Variants in IL1RAPL1 observed in about 807,000 individuals in gnomAD.
IL1RAPL1 encodes the protein interleukin-1 receptor accessory protein-like 1.
IL1RAPL1 carries 3 observed loss-of-function variants against 48.4 expected under a neutral mutation model. The observed-to-expected ratio is 0.06, with a 90% CI of 0.03 to 0.16. The LOEUF is 0.16. IL1RAPL1 is among the 10% of genes least tolerant of loss of function. IL1RAPL1 has a pLI of 1.00. For synonymous variants in IL1RAPL1, 185 were observed against 187.7 expected, an observed-to-expected ratio of 0.99 and a Z score of 0.12; for missense variants, 349 against 530.6, an observed-to-expected ratio of 0.66 and a Z score of 3.36.
At chrX:28,906,918 A>G (rs1923232421) in intron 2 of IL1RAPL1, among the ~76,000 whole-genome samples, 2 of 112,343 alleles carry the variant, frequency 1.8e-5, no homozygotes, top group Non-Finnish European at 3.8e-5. Flanking sequence ...TTGGAAAGAT[A>G]ACCTAAAATG....
chrX:29,069,018 C>T (rs1395332601), intron 2 of IL1RAPL1, among the ~76,000 whole-genome samples: 1 of 111,803 alleles, frequency 8.9e-6, no homozygotes, highest in African/African-American at 3.3e-5. Flanking sequence ...CTCCCTAAGC[C>T]CCACTCTCTC....
At chrX:29,915,150 T>C (rs902875782) in intron 6 of IL1RAPL1, among the ~76,000 whole-genome samples, 25 of 111,107 alleles carry the variant, frequency 2.3e-4, no homozygotes, top group Non-Finnish European at 7.6e-5. Flanking sequence ...AAAAATAAAT[T>C]AGTCGGGCGT....
chrX:29,790,776 C>T (rs1487453720), intron 6 of IL1RAPL1, among the ~76,000 whole-genome samples: 2 of 111,752 alleles, frequency 1.8e-5, no homozygotes, highest in Admixed American at 9.5e-5. Context: ...CCCCACTGGT[C>T]TCTCATTCAT....
intron 2 of IL1RAPL1, among the ~76,000 whole-genome samples, chrX:29,110,477 C>T (rs1928540053): frequency 9.0e-6 from 1 of 111,643 alleles, no homozygotes; most frequent in African/African-American, 3.3e-5. Flanking sequence ...AGCAGGTCCT[C>T]AGAGAGCATT....
intron 1 of IL1RAPL1, among the ~76,000 whole-genome samples, chrX:28,772,924 A>G (rs1936324991): frequency 8.9e-6 from 1 of 111,801 alleles, no homozygotes; most frequent in Non-Finnish European, 1.9e-5. Flanking sequence ...AAATTCAACT[A>G]TCTACCTGCT....
At chrX:29,520,024 G>A (rs756592113) in intron 5 of IL1RAPL1, among the ~76,000 whole-genome samples, 1 of 112,215 alleles carries the variant, frequency 8.9e-6, no homozygotes, top group South Asian at 3.7e-4. Flanking sequence ...GTGATAATGT[G>A]AAATGTGCTT....
At chrX:28,719,920 G>A (rs192648289) in intron 1 of IL1RAPL1, among the ~76,000 whole-genome samples, 35 of 110,549 alleles carry the variant, frequency 3.2e-4, no homozygotes, top group African/African-American at 1.1e-3. Flanking sequence ...AACATTAGAG[G>A]TACTTTTTTG....
At chrX:29,150,852 G>T (rs946005822) in intron 2 of IL1RAPL1, among the ~76,000 whole-genome samples, 2 of 106,702 alleles carry the variant, frequency 1.9e-5, no homozygotes, top group Non-Finnish European at 3.9e-5. Context: ...AAACCGGGAG[G>T]CGGAGGTTGC....
intron 2 of IL1RAPL1, among the ~76,000 whole-genome samples, chrX:28,847,339 A>G (rs1921535379): frequency 9.0e-6 from 1 of 111,373 alleles, no homozygotes; most frequent in African/African-American, 3.3e-5. Flanking sequence ...TAGTCTTGTT[A>G]CTGTTTTCTC....
chrX:28,723,334 G>C (rs1935617042), intron 1 of IL1RAPL1, among the ~76,000 whole-genome samples: 2 of 111,009 alleles, frequency 1.8e-5, no homozygotes, highest in Admixed American at 9.7e-5. Flanking sequence ...GGGTGTGTGT[G>C]TCCAGGAATT....
chrX:28,991,188 G>A (rs1053014283), intron 2 of IL1RAPL1, among the ~76,000 whole-genome samples: 1 of 111,725 alleles, frequency 9.0e-6, no homozygotes, highest in African/African-American at 3.3e-5. Context: ...TCTACTGTGT[G>A]TATACTTGTG....
chrX:29,558,330 C>T (rs183478585), intron 5 of IL1RAPL1, among the ~76,000 whole-genome samples: 95 of 111,813 alleles, frequency 8.5e-4, no homozygotes, highest in African/African-American at 3.0e-3. Flanking sequence ...ACTTGTATGT[C>T]TTCTTTTGAG....
chrX:29,175,574 T>C (rs761892361), intron 2 of IL1RAPL1, among the ~76,000 whole-genome samples: 39 of 110,393 alleles, frequency 3.5e-4, no homozygotes, highest in Non-Finnish European at 6.8e-4. Flanking sequence ...AAGCTGGGTG[T>C]GGTGGCTCAC....
intron 8 of IL1RAPL1, among the ~76,000 whole-genome samples, chrX:29,928,096 T>C (rs1181520225): frequency 8.9e-6 from 1 of 111,963 alleles, no homozygotes; most frequent in Non-Finnish European, 1.9e-5. Context: ...CTGAAGCAAC[T>C]AAACTAGTGT....
chrX:29,941,835 A>C (rs766344577), intron 9 of IL1RAPL1, 41 bp downstream of exon 9: 1 of 1,164,844 alleles, frequency 8.6e-7, no homozygotes, highest in East Asian at 3.0e-5. Context: ...TGAATGTTCT[A>C]ATTTCTTTCT....
At chrX:29,334,175 C>T (rs767252959) in intron 3 of IL1RAPL1, among the ~76,000 whole-genome samples, 978 of 67,732 alleles carry the variant, frequency 0.014, no homozygotes, top group Middle Eastern at 0.043. Context: ...ACCTCCCGGA[C>T]GGGGCGGCCG....
intron 2 of IL1RAPL1, among the ~76,000 whole-genome samples, chrX:29,078,603 C>T (rs775771378): frequency 3.6e-5 from 4 of 111,902 alleles, no homozygotes; most frequent in East Asian, 2.8e-4. Flanking sequence ...CATGAAGATT[C>T]GAAGCGTTAA....
At chrX:29,587,318 C>G (rs1923204797) in intron 5 of IL1RAPL1, among the ~76,000 whole-genome samples, 1 of 104,733 alleles carries the variant, frequency 9.5e-6, no homozygotes, top group Non-Finnish European at 2.0e-5. Context: ...AAGAAGGAAG[C>G]CACTAGAAGT....
intron 2 of IL1RAPL1, among the ~76,000 whole-genome samples, chrX:29,047,367 C>T (rs1053376347): frequency 6.3e-5 from 7 of 111,895 alleles, no homozygotes; most frequent in Non-Finnish European, 1.1e-4. Context: ...TTTAGGTATT[C>T]ACTGATGTGT....
Sources: gnomAD v4.1 joint callset for allele counts (sites outside exome capture counted in the v4.1 genomes callset) on GRCh38, gnomAD v4.1.1 for gene constraint, MANE v1.5 for transcripts, NCBI Gene and HGNC (gene_info 2026-07-23, HGNC 2026-07-21) for gene names.